Variants in BFSP1 observed in about 807,000 individuals in gnomAD.
The protein encoded by BFSP1 is beaded filament structural protein 1, also known as filensin.
A neutral mutation model predicts 43.9 loss-of-function variants in BFSP1; 38 were observed. The observed-to-expected ratio is 0.87, with a 90% CI of 0.67 to 1.14. The LOEUF (loss-of-function observed/expected upper bound fraction) is 1.14. Ranked by LOEUF, BFSP1 falls within the 50% of genes most tolerant of loss-of-function variation. BFSP1 has a pLI of 0.00. For missense variants in BFSP1, 850 were observed against 875.1 expected (o/e 0.97, Z 0.36); for synonymous variants, 352 against 354.8 (o/e 0.99, Z 0.09).
intron 1 of BFSP1, among the ~76,000 whole-genome samples, chr20:17,553,806 C>CATATATATAT (rs2034936018): frequency 1.2e-5 from 1 of 82,330 alleles, no homozygotes; most frequent in African/African-American, 5.0e-5. Context: ...CACACACACA[C>CATATATATAT]ACACACACAC....
chr20:17,563,880 G>A (rs2035090332), upstream of BFSP1, among the ~76,000 whole-genome samples: 1 of 128,056 alleles, frequency 7.8e-6, no homozygotes, highest in African/African-American at 3.2e-5. Context: ...GAGCGAGACC[G>A]TGTCTAAAAA....
rs553206276 is a variant in BFSP1 at position 17,510,559 on chromosome 20, A to C, written c.627+1417T>G. 2.7e-4 allele frequency among the ~76,000 whole-genome samples: 41 copies of C among 152,358 alleles called. No individual in the cohort carries two copies. In the South Asian group the frequency reaches 6.6e-3, roughly 25 times the overall value. ...TATCCTCATGAATGCCAAAAAAAGT[A>C]ACTTTCCTGTCGCTTAGATGATACT... On this transcript the variant is annotated intron_variant, in intron 4 of 7. Coordinates refer to ENST00000377873, the MANE Select transcript of BFSP1 (RefSeq NM_001195.5).
chr20:17,534,926 A>G (rs2034602908), upstream of BFSP1, among the ~76,000 whole-genome samples: 1 of 152,118 alleles, frequency 6.6e-6, no homozygotes, highest in African/African-American at 2.4e-5. Flanking sequence ...AGGCTGAGAC[A>G]TGAGAATTCC....
chr20:17,496,808 C>T lies in BFSP1; in HGVS notation c.1042+130G>A, dbSNP rs538092230. 42 of 825,632 alleles carry T rather than the reference C, an allele frequency of 5.1e-5. No homozygotes were observed. In the African/African-American group the frequency reaches 6.7e-4, roughly 13 times the overall value. 51.1% of individuals were successfully genotyped at this position (825,632 alleles called of 1,614,324 possible). The stretch of plus-strand genomic sequence containing the variant: ...GAGAGGGCAGAGGGTGGGAAGGAGT[C>T]CTCCTTCACATAAAAGCATTTAATT... On this transcript the variant is annotated intron_variant, in intron 7 of 7. Transcript: ENST00000377873.
chr20:17,514,728 T>A lies in BFSP1; in HGVS notation c.527A>T (p.His176Leu). The A allele has an allele frequency of 6.2e-7, 1 of 1,613,990 alleles. No individual in the cohort carries two copies. Among genetic ancestry groups the A allele is most frequent in the Middle Eastern group, 1.7e-4 (1 of 6,058 alleles). ...QDDISAAKDR[H>L]KKNLLEVQTY... ...TCAAGGGGTCATGATTACCTTCTTGTGCCTGTCCTTTGCCGCACTGATATC... is the reference window on the plus strand; with the variant it reads ...TCAAGGGGTCATGATTACCTTCTTGAGCCTGTCCTTTGCCGCACTGATATC... Residue 176 changes from histidine (H) to leucine (L), a missense_variant, in exon 3 of 8, where the codon CAC (histidine) becomes CTC (leucine). Physicochemically the swap from His to Leu is moderately conservative, Grantham distance 99. Coordinates refer to ENST00000377873, the MANE Select transcript of BFSP1 (RefSeq NM_001195.5).
chr20:17,538,537 T>C (rs1372529595), intron 1 of BFSP1, among the ~76,000 whole-genome samples: 1 of 152,206 alleles, frequency 6.6e-6, no homozygotes, highest in African/African-American at 2.4e-5. Flanking sequence ...CCAGATGGTA[T>C]CATGATCTCA....
At chr20:17,501,673 C>T (rs767439569) in intron 5 of BFSP1, among the ~76,000 whole-genome samples, 6 of 151,908 alleles carry the variant, frequency 3.9e-5, no homozygotes, top group African/African-American at 7.3e-5. Context: ...AGAAAAGGTA[C>T]GTGTGCTAAG....
At chr20:17,509,808 A>G (rs1160631429) in intron 4 of BFSP1, among the ~76,000 whole-genome samples, 4 of 151,996 alleles carry the variant, frequency 2.6e-5, no homozygotes, top group Non-Finnish European at 1.5e-5. Flanking sequence ...ACCTCTCCAC[A>G]CTCTGCCAAG....
intron 1 of BFSP1, among the ~76,000 whole-genome samples, chr20:17,538,594 C>G (rs762761130): frequency 1.3e-5 from 2 of 152,086 alleles, no homozygotes; most frequent in Admixed American, 1.3e-4. Flanking sequence ...TTACACCTAC[C>G]GAAATGATGG....
Position 17,494,922 on chromosome 20 carries a change from C to G in BFSP1, c.1150G>C (p.Gly384Arg). The G allele has an allele frequency of 2.5e-6, 4 of 1,614,122 alleles. No homozygotes were observed. Among genetic ancestry groups the G allele is most frequent in the Non-Finnish European group, 3.4e-6 (4 of 1,180,000 alleles). Residue 384 changes from glycine to arginine, a missense_variant, in exon 8 of 8, where the codon GGA (glycine) becomes CGA (arginine). By Grantham distance (125) the Gly-to-Arg change is moderately radical. Coordinates refer to ENST00000377873, the MANE Select transcript of BFSP1 (RefSeq NM_001195.5). ...TTTAATGGTGCATCTTCCAGAGCTC[C>G]GTTGGTTTTGTCTTTTGTTATAATC... ...KEIITKDKTN[G>R]ALEDAPLKGL...
intron 1 of BFSP1, among the ~76,000 whole-genome samples, chr20:17,566,289 C>T (rs1234343235): frequency 6.6e-6 from 1 of 152,164 alleles, no homozygotes; most frequent in African/African-American, 2.4e-5. Flanking sequence ...ATACACATCT[C>T]TCTTCAGGCT....
intron 2 of BFSP1, among the ~76,000 whole-genome samples, chr20:17,520,622 C>T (rs570083402): frequency 1.1e-3 from 165 of 152,316 alleles, no homozygotes; most frequent in Non-Finnish European, 1.9e-3. Context: ...CATCTCTCCA[C>T]CCTCTCTCTT....
chr20:17,539,553 C>A (rs2034682714), intron 1 of BFSP1, among the ~76,000 whole-genome samples: 1 of 151,880 alleles, frequency 6.6e-6, no homozygotes, highest in Non-Finnish European at 1.5e-5. Context: ...TTGAAACCAG[C>A]CTGGGCAACA....
At chr20:17,519,026 G>A (rs1481959321) in intron 2 of BFSP1, among the ~76,000 whole-genome samples, 2 of 152,124 alleles carry the variant, frequency 1.3e-5, no homozygotes, top group Non-Finnish European at 2.9e-5. Flanking sequence ...GGCTAAATCT[G>A]GGCCAGAGGT....
intron 1 of BFSP1, among the ~76,000 whole-genome samples, chr20:17,538,743 G>T (rs76524029): frequency 6.6e-6 from 1 of 152,210 alleles, no homozygotes; most frequent in Non-Finnish European, 1.5e-5. Context: ...ATGCAGAAAT[G>T]AGTCATTGTC....
At chr20:17,497,363 TTAGAG>T (rs757267689) in intron 6 of BFSP1, among the ~76,000 whole-genome samples, 1 of 151,654 alleles carries the variant, frequency 6.6e-6, no homozygotes, top group Non-Finnish European at 1.5e-5. Context: ...ATTTTTTTAG[TTAGAG>T]TAGTCAACCC....
intron 5 of BFSP1, among the ~76,000 whole-genome samples, chr20:17,504,120 T>G (rs1736635737): frequency 6.6e-6 from 1 of 152,182 alleles, no homozygotes; most frequent in South Asian, 2.1e-4. Flanking sequence ...GGAGATCCTC[T>G]GCTGGAACAC....
upstream of BFSP1, among the ~76,000 whole-genome samples, chr20:17,561,131 C>A (rs181618066): frequency 3.3e-4 from 50 of 152,276 alleles, no homozygotes; most frequent in Admixed American, 1.5e-3. Context: ...TCCTTGTTTT[C>A]CCCTTTCTGA....
At position 17,498,993 on chromosome 20, in the gene BFSP1, G is replaced by A. The variant is rs370330055; in HGVS notation, c.783C>T (p.Asp261=). The change falls in exon 6 of 8, where the codon GAC becomes GAT. Residue 261 remains aspartate, a synonymous_variant. Coordinates refer to ENST00000377873, the MANE Select transcript of BFSP1 (RefSeq NM_001195.5). ...GCTCGTTATAAAGCTGAATCTCATC[G>A]TCATAACACTCATGGGCACTTTTAA... ...QAIKSAHECY[D]DEIQLYNEQI... The A allele has an allele frequency of 7.4e-6, 12 of 1,614,020 alleles. No homozygotes were observed. The highest frequency in any genetic ancestry group is 2.2e-5 in the South Asian group (2 of 91,086).
Sources: allele counts gnomAD v4.1 joint callset (sites outside exome capture counted in the v4.1 genomes callset), GRCh38; gene constraint gnomAD v4.1.1; transcripts MANE v1.5; gene names NCBI Gene and HGNC (gene_info 2026-07-23, HGNC 2026-07-21).